The following KLF12 variants were observed in gnomAD, a reference collection of about 807,000 sequenced individuals.
The protein encoded by KLF12 is Krueppel-like factor 12.
A neutral mutation model predicts 37.8 loss-of-function variants in KLF12; 9 were observed. The observed-to-expected ratio is 0.24, with a 90% confidence interval of 0.14 to 0.42. The LOEUF (loss-of-function observed/expected upper bound fraction) is 0.42, where lower values mean the gene tolerates loss of function less well. Ranked by LOEUF, KLF12 falls within the 10% of genes least tolerant of loss-of-function variation. The pLI, the probability that KLF12 is intolerant of heterozygous loss-of-function variation, is 1.00. For missense variants in KLF12, 411 were observed against 516.0 expected, an observed-to-expected ratio of 0.80 and a Z score of 1.97; for synonymous variants, 208 against 202.1, an observed-to-expected ratio of 1.03 and a Z score of -0.25.
the KLF12 span, among the ~76,000 whole-genome samples, chr13:74,220,631 T>A: frequency 3.9e-5 from 6 of 152,332 alleles, 1 homozygote; most frequent in African/African-American, 1.4e-4. Flanking sequence ...TTGAACTCAT[T>A]CCTCCTAAAT....
intron 6 of KLF12, 56 bp downstream of exon 6, chr13:73,764,882 C>G (rs1270542857): frequency 3.2e-6 from 3 of 927,160 alleles, no homozygotes; most frequent in African/African-American, 1.6e-5. Context: ...TTAACATAAG[C>G]CCTATTAAAG....
At chr13:74,227,834 T>C in the KLF12 span, among the ~76,000 whole-genome samples, 2 of 152,138 alleles carry the variant, frequency 1.3e-5, no homozygotes, top group Non-Finnish European at 2.9e-5. Flanking sequence ...AATAAAAACA[T>C]AGTCCAACCA....
chr13:73,746,851 G>A (rs887031330), intron 6 of KLF12, among the ~76,000 whole-genome samples: 2 of 110,880 alleles, frequency 1.8e-5, no homozygotes, highest in Non-Finnish European at 3.4e-5. Context: ...CTCTTGCTCT[G>A]TCGCCCAGGC....
intron 4 of KLF12, among the ~76,000 whole-genome samples, chr13:73,820,873 C>A (rs888512609): frequency 2.6e-5 from 4 of 152,184 alleles, no homozygotes; most frequent in Non-Finnish European, 5.9e-5. Context: ...TCATTTCTGG[C>A]TTCTTCTTAA....
intron 4 of KLF12, among the ~76,000 whole-genome samples, chr13:73,822,821 C>T (rs1883601920): frequency 2.0e-5 from 3 of 152,164 alleles, no homozygotes; most frequent in Admixed American, 2.0e-4. Context: ...CTTCCACTAA[C>T]TCTAGAGCTG....
intron 1 of KLF12, among the ~76,000 whole-genome samples, chr13:73,998,164 C>T (rs1258138671): frequency 6.6e-6 from 1 of 152,144 alleles, no homozygotes; most frequent in Non-Finnish European, 1.5e-5. Context: ...TCCACTTTAA[C>T]AAATAAGCAG....
chr13:73,710,545 T>C (rs1035213365), intron 7 of KLF12, among the ~76,000 whole-genome samples: 3 of 152,200 alleles, frequency 2.0e-5, no homozygotes, highest in Non-Finnish European at 4.4e-5. Flanking sequence ...TTTCAAACTT[T>C]TAAATTATTA....
chr13:73,757,355 C>G (rs1879243408), intron 6 of KLF12, among the ~76,000 whole-genome samples: 2 of 152,118 alleles, frequency 1.3e-5, no homozygotes, highest in Non-Finnish European at 2.9e-5. Context: ...ATCTATTGCT[C>G]TCTTAAAACT....
chr13:74,103,945 G>A (rs1876505857), intron 1 of KLF12, among the ~76,000 whole-genome samples: 1 of 152,146 alleles, frequency 6.6e-6, no homozygotes, highest in East Asian at 1.9e-4. Context: ...GCCTGATATT[G>A]TAATAGATCC....
chr13:73,904,129 G>A (rs566922375), intron 3 of KLF12, among the ~76,000 whole-genome samples: 5 of 152,302 alleles, frequency 3.3e-5, no homozygotes, highest in African/African-American at 1.2e-4. Context: ...AGCAAGGCTA[G>A]CAATGGAGAT....
At chr13:73,759,478 G>A (rs11839399) in intron 6 of KLF12, among the ~76,000 whole-genome samples, 2,018 of 152,226 alleles carry the variant, frequency 0.013, 19 homozygotes, top group South Asian at 0.036. Flanking sequence ...GAGGAGCAAC[G>A]TCTTCATTAA....
At chr13:74,190,320 C>T in the KLF12 span, among the ~76,000 whole-genome samples, 5 of 152,070 alleles carry the variant, frequency 3.3e-5, no homozygotes, top group African/African-American at 7.2e-5. Flanking sequence ...AAGAAGCAAG[C>T]GGTTTTATTT....
chr13:74,074,914 G>C (rs1373245489), intron 1 of KLF12, among the ~76,000 whole-genome samples: 1 of 152,172 alleles, frequency 6.6e-6, no homozygotes, highest in Admixed American at 6.5e-5. Flanking sequence ...TTCTACAAAG[G>C]AACTGAAGCA....
intron 1 of KLF12, among the ~76,000 whole-genome samples, chr13:74,101,544 G>C (rs144411938): frequency 6.6e-6 from 1 of 152,168 alleles, no homozygotes; most frequent in Non-Finnish European, 1.5e-5. Context: ...GAAGGAACCA[G>C]GGTTAACTGG....
intron 4 of KLF12, among the ~76,000 whole-genome samples, chr13:73,821,952 C>T (rs917040622): frequency 6.6e-6 from 1 of 152,138 alleles, no homozygotes; most frequent in African/African-American, 2.4e-5. Context: ...TTTGCACTTT[C>T]CATTTTGAAT....
At chr13:74,271,491 G>A in the KLF12 span, among the ~76,000 whole-genome samples, 1 of 152,120 alleles carries the variant, frequency 6.6e-6, no homozygotes, top group African/African-American at 2.4e-5. Flanking sequence ...GAAGACATTT[G>A]TAAGGCAGAA....
At chr13:74,197,481 ACACT>A in the KLF12 span, among the ~76,000 whole-genome samples, 1 of 151,956 alleles carries the variant, frequency 6.6e-6, no homozygotes, top group Non-Finnish European at 1.5e-5. Context: ...CACACCCCAC[ACACT>A]CACACAGACA....
intron 3 of KLF12, among the ~76,000 whole-genome samples, chr13:73,941,975 C>T (rs1890208045): frequency 6.6e-6 from 1 of 152,068 alleles, no homozygotes; most frequent in Non-Finnish European, 1.5e-5. Context: ...CCTATGAACC[C>T]ACAACTTTTC....
intron 5 of KLF12, among the ~76,000 whole-genome samples, chr13:73,780,471 GTTT>G (rs58306980): frequency 6.9e-6 from 1 of 145,372 alleles, no homozygotes; most frequent in African/African-American, 2.5e-5. Context: ...CCAAGGAATG[GTTT>G]TTTTTTTTTT....
Sources: gnomAD v4.1 joint callset for allele counts (sites outside exome capture counted in the v4.1 genomes callset) on GRCh38, gnomAD v4.1.1 for gene constraint, MANE v1.5 for transcripts, NCBI Gene and HGNC (gene_info 2026-07-23, HGNC 2026-07-21) for gene names.